Variants in ATF6 observed in about 807,000 individuals in gnomAD.
The protein encoded by ATF6 is activating transcription factor 6.
Under a neutral mutation model 83.6 loss-of-function variants are expected in ATF6, and 53 were observed. That is an observed-to-expected ratio of 0.63 (90% CI 0.51 to 0.80). The LOEUF is 0.80. Ranked by LOEUF, ATF6 falls within the 30% of genes least tolerant of loss-of-function variation. The pLI, the probability that ATF6 is intolerant of heterozygous loss-of-function variation, is 0.00. For missense variants in ATF6, 744 were observed against 797.9 expected (o/e 0.93, Z 0.81); for synonymous variants, 288 against 285.8 (o/e 1.01, Z -0.08).
At chr1:161,942,441 G>A (rs934003081) in intron 15 of ATF6, among the ~76,000 whole-genome samples, 2 of 152,158 alleles carry the variant, frequency 1.3e-5, no homozygotes, top group African/African-American at 4.8e-5. Context: ...CATGTGATAG[G>A]TACAGTACTT....
chr1:161,780,693 T>C lies in ATF6; in HGVS notation c.160-1219T>C, dbSNP rs113024502. Among the ~76,000 whole-genome samples the C allele has an allele frequency of 2.6e-3, 394 of 152,058 alleles. 3 individuals carry two copies. Among genetic ancestry groups the C allele is most frequent in the African/African-American group, 8.8e-3 (366 of 41,480 alleles). Reference sequence around the variant, plus strand: ...CGGCCGAGGTGTATTTTATTGTTGCTGTTTTTGTTGTTGTTGTTGTTTTGT... The same window carrying C: ...CGGCCGAGGTGTATTTTATTGTTGCCGTTTTTGTTGTTGTTGTTGTTTTGT... On this transcript the variant is annotated intron_variant, in intron 2 of 15. Coordinates refer to ENST00000367942, the MANE Select transcript of ATF6 (RefSeq NM_007348.4).
intron 1 of ATF6, among the ~76,000 whole-genome samples, chr1:161,775,327 A>G (rs1285556708): frequency 2.0e-5 from 3 of 152,124 alleles, no homozygotes; most frequent in Admixed American, 2.0e-4. Flanking sequence ...TAACACCAAT[A>G]TCCTTTTCTT....
chr1:161,907,915 A>T (rs1298395282), intron 14 of ATF6, among the ~76,000 whole-genome samples: 5 of 152,216 alleles, frequency 3.3e-5, no homozygotes, highest in Non-Finnish European at 7.4e-5. Context: ...TATTGGAATA[A>T]GAACTTAAAG....
intron 15 of ATF6, 40 bp downstream of exon 15, chr1:161,912,420 T>C: frequency 7.1e-7 from 1 of 1,416,372 alleles, no homozygotes; most frequent in Non-Finnish European, 9.8e-7. Flanking sequence ...ATGAGATTTC[T>C]TTGTTTAACC....
intron 14 of ATF6, among the ~76,000 whole-genome samples, chr1:161,894,507 ATTTGTTTTGTAGTCTTTT>A (rs1159548319): frequency 1.7e-5 from 2 of 118,608 alleles, no homozygotes. Flanking sequence ...TAGAGGCAAC[ATTTGTTTTGTAGTCTTTT>A]TTTTTTTTTT....
rs569176296 is a variant in ATF6, at chr1:161,828,350, G to A, written c.1187+7189G>A. Among the ~76,000 whole-genome samples the A allele has an allele frequency of 1.7e-4, 26 of 152,236 alleles. 1 individual carries two copies. In the South Asian group the frequency reaches 5.4e-3, roughly 32 times the overall value. The stretch of plus-strand genomic sequence containing the variant: ...TGGCTCCACTGGAGACAAAGTAAGG[G>A]CTTCTCAGAGGCCAGAAATAATAAA... On this transcript the variant is annotated intron_variant, in intron 9 of 15. Transcript: ENST00000367942.
intron 10 of ATF6, among the ~76,000 whole-genome samples, chr1:161,849,727 A>G (rs1382198102): frequency 6.6e-6 from 1 of 151,984 alleles, no homozygotes; most frequent in African/African-American, 2.4e-5. Context: ...CACAGTTCAT[A>G]TCTATATGTC....
chr1:161,838,132 G>A (rs145944797), intron 9 of ATF6, among the ~76,000 whole-genome samples: 9 of 152,336 alleles, frequency 5.9e-5, no homozygotes, highest in African/African-American at 2.2e-4. Context: ...GGGGAAAGTA[G>A]CTTATGAATT....
At chr1:161,948,547 A>G (rs1688803257) in intron 15 of ATF6, among the ~76,000 whole-genome samples, 1 of 152,212 alleles carries the variant, frequency 6.6e-6, no homozygotes, top group South Asian at 2.1e-4. Flanking sequence ...CCCCACCTTT[A>G]TTTTTGAAAG....
chr1:161,885,721 A>G (rs1465558399), intron 14 of ATF6, among the ~76,000 whole-genome samples: 1 of 152,146 alleles, frequency 6.6e-6, no homozygotes, highest in East Asian at 1.9e-4. Flanking sequence ...CATTCAGTAG[A>G]TGTTCATTGA....
intron 10 of ATF6, among the ~76,000 whole-genome samples, chr1:161,851,354 T>C (rs1268223109): frequency 6.6e-6 from 1 of 152,062 alleles, no homozygotes; most frequent in African/African-American, 2.4e-5. Context: ...TCTGGTCACA[T>C]AATACCACTT....
intron 1 of ATF6, among the ~76,000 whole-genome samples, chr1:161,775,121 G>A (rs1349223014): frequency 6.6e-6 from 1 of 152,126 alleles, no homozygotes; most frequent in Non-Finnish European, 1.5e-5. Context: ...TCAAATCTGG[G>A]AAAATTTGGC....
intron 2 of ATF6, among the ~76,000 whole-genome samples, chr1:161,778,555 C>T (rs1206544816): frequency 6.6e-6 from 1 of 152,102 alleles, no homozygotes; most frequent in African/African-American, 2.4e-5. Context: ...GGATGGGTGA[C>T]TTTGGAAAAG....
At position 161,868,742 on chromosome 1, in the gene ATF6, A is replaced by G. The variant is rs929501178; in HGVS notation, c.1719+5430A>G. On this transcript the variant is annotated intron_variant, in intron 14 of 15. Coordinates refer to ENST00000367942, the MANE Select transcript of ATF6 (RefSeq NM_007348.4). ...AATATAAGCTGTGCTGAATGCCAGT[A>G]GAAAGTTTAGTTAAAGATGATCTCT... Among the ~76,000 whole-genome samples, 11 of 152,146 alleles carry G rather than the reference A, an allele frequency of 7.2e-5. 2 individuals carry two copies. The highest frequency in any genetic ancestry group is 7.2e-4 in the Admixed American group (11 of 15,272).
chr1:161,943,216 C>T (rs1688686027), intron 15 of ATF6, among the ~76,000 whole-genome samples: 2 of 152,082 alleles, frequency 1.3e-5, no homozygotes, highest in East Asian at 1.9e-4. Flanking sequence ...GGAGGTAATT[C>T]GATCATGGGG....
At chr1:161,898,463 T>C (rs879865266) in intron 14 of ATF6, among the ~76,000 whole-genome samples, 1 of 152,192 alleles carries the variant, frequency 6.6e-6, no homozygotes, top group Non-Finnish European at 1.5e-5. Context: ...GAACACTCAA[T>C]TAAATCCCCA....
chr1:161,784,870 A>G (rs2101732065), intron 4 of ATF6, among the ~76,000 whole-genome samples: 1 of 152,310 alleles, frequency 6.6e-6, no homozygotes, highest in South Asian at 2.1e-4. Context: ...GGTCAGCCTT[A>G]CAACTCCTCA....
chr1:161,798,966 C>T (rs142672552), intron 6 of ATF6, among the ~76,000 whole-genome samples: 34 of 152,252 alleles, frequency 2.2e-4, no homozygotes, highest in Non-Finnish European at 4.7e-4. Context: ...GGCAAGATTG[C>T]AGAGAAAAGT....
intron 14 of ATF6, among the ~76,000 whole-genome samples, chr1:161,864,400 AC>A (rs2101840342): frequency 6.6e-6 from 1 of 152,284 alleles, no homozygotes; most frequent in East Asian, 1.9e-4. Context: ...CGGCTCTGTA[AC>A]CAGTCCTCCA....
Sources: allele counts gnomAD v4.1 joint callset (sites outside exome capture counted in the v4.1 genomes callset), GRCh38; gene constraint gnomAD v4.1.1; transcripts MANE v1.5; gene names NCBI Gene and HGNC (gene_info 2026-07-23, HGNC 2026-07-21).